The following RHPN1 variants were observed in gnomAD, a reference collection of about 807,000 sequenced individuals.
RHPN1 encodes rhophilin-1.
Under a neutral mutation model 74.7 loss-of-function variants are expected in RHPN1, and 77 were observed. The observed-to-expected ratio is 1.03, with a 90% CI of 0.86 to 1.25. RHPN1 has a LOEUF of 1.25. Among genes scored for constraint, RHPN1 ranks in the 50% most tolerant of loss-of-function variants. The pLI is 0.00. For missense variants in RHPN1, 987 were observed against 932.2 expected (o/e 1.06, Z -0.77); for synonymous variants, 444 against 414.5 (o/e 1.07, Z -0.87).
chr8:143,371,142 T>C (rs1046001927), intron 1 of RHPN1, among the ~76,000 whole-genome samples: 1 of 152,148 alleles, frequency 6.6e-6, no homozygotes, highest in African/African-American at 2.4e-5. Flanking sequence ...TGGGAGTCCC[T>C]GCCGTGAGTG....
chr8:143,373,967 A>G (rs911598480), intron 1 of RHPN1, among the ~76,000 whole-genome samples: 34 of 152,218 alleles, frequency 2.2e-4, no homozygotes, highest in African/African-American at 6.7e-4. Flanking sequence ...TGGGGACACA[A>G]TTCACCCATA....
intron 4 of RHPN1, 27 bp from the exon 5 acceptor site, chr8:143,378,242 T>C: frequency 6.4e-7 from 1 of 1,551,508 alleles, no homozygotes; most frequent in Non-Finnish European, 8.7e-7. Flanking sequence ...AGGGGTACTG[T>C]GGATGCCAAC....
intron 1 of RHPN1, chr8:143,374,345 G>A (rs1818070769): frequency 2.0e-6 from 2 of 982,106 alleles, no homozygotes; most frequent in South Asian, 9.4e-5. Flanking sequence ...ACAAGGTCCT[G>A]GGGAAGAAGA....
At position 143,369,201 on chromosome 8, in the gene RHPN1, C is replaced by T. The variant is rs539288231; in HGVS notation, c.60+154C>T. Among the ~76,000 whole-genome samples the T allele has an allele frequency of 3.4e-4, 52 of 152,340 alleles. 1 individual carries two copies. Among genetic ancestry groups the T allele is most frequent in the Admixed American group, 3.1e-3 (47 of 15,306 alleles). ...GAGGCCAGAGCCTGCGTCCCTCCTC[C>T]TCTGAGCTCGGTGGAGGTGCTTCCA... On this transcript the variant is annotated intron_variant, in intron 1 of 14. Coordinates refer to ENST00000289013, the MANE Select transcript of RHPN1 (RefSeq NM_052924.3).
upstream of RHPN1, chr8:143,368,789 C>A (rs1817635532): frequency 5.9e-6 from 2 of 338,060 alleles, no homozygotes; most frequent in Non-Finnish European, 1.1e-5. Flanking sequence ...TGGGCAATGG[C>A]CAGCTTCGCA....
rs116430551 is a variant in RHPN1 at position 143,374,526 on chromosome 8, G to C, written c.61-1027G>C. On this transcript the variant is annotated intron_variant, in intron 1 of 14. Coordinates refer to ENST00000289013, the MANE Select transcript of RHPN1 (RefSeq NM_052924.3). ...AGCAGTGAGCCCTGAGCAGCACTGT[G>C]GGTCTCAAAGCATGGAAGGAGTGGG... Among the ~76,000 whole-genome samples the C allele has an allele frequency of 2.4e-3, 368 of 152,356 alleles. 2 individuals carry two copies. The highest frequency in any genetic ancestry group is 7.4e-3 in the African/African-American group (307 of 41,590).
chr8:143,382,287 C>G (rs562674644), intron 14 of RHPN1, 149 bp from the exon 15 acceptor site: 2 of 717,256 alleles, frequency 2.8e-6, no homozygotes, highest in East Asian at 2.7e-5. Context: ...ACCCATGGGC[C>G]CCTGCTATGT....
intron 3 of RHPN1, among the ~76,000 whole-genome samples, chr8:143,377,001 GGTGT>G (rs1464643136): frequency 6.6e-6 from 1 of 150,652 alleles, no homozygotes; most frequent in Non-Finnish European, 1.5e-5. Context: ...CGTGTATGTG[GGTGT>G]GTGTTTGCCT....
chr8:143,376,673 C>G lies in RHPN1; in HGVS notation c.305+20C>G. ...TGGGAGGTGCGGGTGGGGGCCGGGA[C>G]AGCACGTGCGTGTATGTGTGTGCAC... is the stretch of plus-strand genomic sequence containing the variant. On this transcript the variant is annotated intron_variant, in intron 3 of 14. Coordinates refer to ENST00000289013, the MANE Select transcript of RHPN1 (RefSeq NM_052924.3). The G allele has an allele frequency of 1.3e-6, 2 of 1,551,874 alleles. No individual in the cohort carries two copies. The highest frequency in any genetic ancestry group is 1.4e-5 in the African/African-American group (1 of 72,918).
In RHPN1 at chr8:143,380,045, G is replaced by A. The variant is rs375619011; in HGVS notation, c.1103-17G>A. ...AAGGCCCCCCCGCGCAGGGCTCACA[G>A]CCTCTCTGTCCCCCAGCAGCGACCG... is the stretch of plus-strand genomic sequence containing the variant. On this transcript the variant is annotated splice_polypyrimidine_tract_variant and intron_variant, in intron 9 of 14. Coordinates refer to ENST00000289013, the MANE Select transcript of RHPN1 (RefSeq NM_052924.3). 11 of 1,546,228 alleles carry A rather than the reference G, an allele frequency of 7.1e-6. No individual in the cohort carries two copies. Among genetic ancestry groups the A allele is most frequent in the Non-Finnish European group, 9.6e-6 (11 of 1,145,398 alleles).
intron 1 of RHPN1, among the ~76,000 whole-genome samples, chr8:143,372,529 G>C (rs1269361239): frequency 5.3e-5 from 8 of 152,050 alleles, no homozygotes; most frequent in Non-Finnish European, 1.2e-4. Flanking sequence ...GCAGGGCTGG[G>C]CTGGGGGAGG....
Position 143,378,357 on chromosome 8 carries a change from C to CGGGGGGGGGGGCG in RHPN1, c.459+11_459+12insGGGGGGGGGGGCG. 19 of 1,520,860 alleles carry CGGGGGGGGGGGCG rather than the reference C, an allele frequency of 1.2e-5. No individual in the cohort carries two copies. The highest frequency in any genetic ancestry group is 2.3e-4 in the Middle Eastern group (1 of 4,342). 94.2% of individuals were successfully genotyped at this position (1,520,860 alleles called of 1,614,324 possible). ...GAGGCCCTGCGGCAGGTGTGTGGTT[C>CGGGGGGGGGGGCG]CCCCGCCCACCCACCCTCCTGCAGC... On this transcript the variant is annotated intron_variant, in intron 5 of 14. Coordinates refer to ENST00000289013, the MANE Select transcript of RHPN1 (RefSeq NM_052924.3).
intron 14 of RHPN1, 102 bp from the exon 15 acceptor site, chr8:143,382,334 C>T (rs927810421): frequency 3.4e-5 from 35 of 1,033,440 alleles, no homozygotes; most frequent in East Asian, 5.2e-5. Context: ...AAGCCCCCGA[C>T]GTGCCAGCCC....
At chr8:143,366,532 C>CAT (rs61519156), upstream of RHPN1, 4 of 151,504 alleles carry the variant, frequency 2.6e-5, no homozygotes, top group African/African-American at 9.7e-5. Context: ...CACACACACA[C>CAT]GCACACACGC....
chr8:143,376,394 C>A (rs868694914), intron 2 of RHPN1, 131 bp from the exon 3 acceptor site: 1 of 1,351,700 alleles, frequency 7.4e-7, no homozygotes, highest in Non-Finnish European at 1.0e-6. Context: ...GGGGGGCAGA[C>A]CCTGTCAGCG....
At chr8:143,371,065 G>A (rs1268925481) in intron 1 of RHPN1, among the ~76,000 whole-genome samples, 3 of 152,158 alleles carry the variant, frequency 2.0e-5, no homozygotes, top group Non-Finnish European at 4.4e-5. Context: ...CAGGTAGATT[G>A]GGCTCCAGGA....
In RHPN1 at chr8:143,378,697, C is replaced by T; in HGVS notation, c.461C>T (p.Ala154Val). 1 of 1,593,848 alleles carries T rather than the reference C, an allele frequency of 6.3e-7. No homozygotes were observed. The highest frequency in any genetic ancestry group is 1.1e-5 in the South Asian group (1 of 88,018). ...EIRELEALRQ[A>V]MRTPSRNESG... Reference sequence around the variant, plus strand: ...GGCCCAGTGGCTCCTGCCCTGCAGGCCATGCGGACCCCCAGCCGGAATGAG... The same window carrying T: ...GGCCCAGTGGCTCCTGCCCTGCAGGTCATGCGGACCCCCAGCCGGAATGAG... Residue 154 changes from alanine (A) to valine (V), a missense_variant and splice_region_variant, in exon 6 of 15, where the codon GCC becomes GTC. Ala to Val is a moderately conservative substitution (Grantham distance 64, BLOSUM62 0). Transcript: ENST00000289013.
chr8:143,364,817 C>A (rs148450326), upstream of RHPN1, among the ~76,000 whole-genome samples: 37 of 152,236 alleles, frequency 2.4e-4, no homozygotes, highest in Non-Finnish European at 4.9e-4. The surrounding 1 kb of genome is among the most constrained non-coding windows in gnomAD (Gnocchi z 4.5). Flanking sequence ...TTCATTTTCA[C>A]GTTCTGTTGA....
chr8:143,375,774 A>G, intron 2 of RHPN1, 106 bp downstream of exon 2: 1 of 796,422 alleles, frequency 1.3e-6, no homozygotes, highest in South Asian at 1.7e-5. Context: ...TCACAGAGAC[A>G]GGTGCATGAG....
Sources: allele counts gnomAD v4.1 joint callset (sites outside exome capture counted in the v4.1 genomes callset), GRCh38; gene constraint gnomAD v4.1.1; non-coding constraint Gnocchi (gnomAD v3.1); transcripts MANE v1.5; gene names NCBI Gene and HGNC (gene_info 2026-07-23, HGNC 2026-07-21).